The following ROBO1 variants were observed in gnomAD, a reference collection of about 807,000 sequenced individuals.
ROBO1 encodes roundabout guidance receptor 1.
In ROBO1, 149 loss-of-function variants were observed where a neutral mutation model predicts 195.9. The ratio of observed to expected loss-of-function variants is 0.76; its 90% CI spans 0.67 to 0.87. ROBO1 has a LOEUF of 0.87. ROBO1 is among the 40% of genes least tolerant of loss of function. The pLI is 0.00. For synonymous variants in ROBO1, 816 were observed against 733.2 expected (o/e 1.11, Z -1.82); for missense variants, 1,933 against 2,068.3 (o/e 0.93, Z 1.27).
At chr3:78,987,176 G>T (rs1436244879) in intron 3 of ROBO1, among the ~76,000 whole-genome samples, 1 of 148,650 alleles carries the variant, frequency 6.7e-6, no homozygotes, top group African/African-American at 2.5e-5. Context: ...TGATGGAAAG[G>T]AAAGAGTAAC....
intron 1 of ROBO1, among the ~76,000 whole-genome samples, chr3:79,617,406 CA>C (rs1388122794): frequency 3.4e-4 from 51 of 152,030 alleles, no homozygotes; most frequent in African/African-American, 8.7e-4. Flanking sequence ...TTCATATGCC[CA>C]ATACATTGTT....
At position 78,607,102 on chromosome 3, in the gene ROBO1, T is replaced by A; in HGVS notation, c.4436-61A>T. The A allele has an allele frequency of 4.1e-6, 6 of 1,468,966 alleles. No individual in the cohort carries two copies. In the East Asian group the frequency reaches 1.4e-4, roughly 35 times the overall value. The allele number at this position is 1,468,966 out of a possible 1,614,324, so 91.0% of individuals were successfully genotyped here. A position where few individuals can be genotyped will look rare whatever the true frequency, so the allele number is the denominator to read the frequency against. On this transcript the variant is annotated intron_variant, in intron 28 of 30. Transcript: ENST00000464233. The stretch of plus-strand genomic sequence containing the variant: ...CTGCTGCTTATAAAATCATCAAACA[T>A]TTGGATTATCATTGGAGCCACATTC...
At chr3:78,705,438 CAACAG>C (rs2081526855) in intron 8 of ROBO1, among the ~76,000 whole-genome samples, 2 of 152,256 alleles carry the variant, frequency 1.3e-5, no homozygotes, top group East Asian at 3.9e-4. Context: ...ACTCATTTTT[CAACAG>C]ATGAGAACTC....
intron 2 of ROBO1, among the ~76,000 whole-genome samples, chr3:79,559,225 A>G (rs530209720): frequency 5.9e-5 from 9 of 152,330 alleles, no homozygotes; most frequent in Non-Finnish European, 1.3e-4. Context: ...CTCACTGCCT[A>G]TGCTGCACAG....
intron 2 of ROBO1, among the ~76,000 whole-genome samples, chr3:79,130,030 A>G (rs2080298463): frequency 1.3e-5 from 1 of 75,124 alleles, no homozygotes; most frequent in Non-Finnish European, 2.7e-5. Context: ...GTTCTGTTCC[A>G]TTGATCTATA....
chr3:79,517,063 CTCTT>C (rs1189385610), intron 2 of ROBO1, among the ~76,000 whole-genome samples: 1 of 152,152 alleles, frequency 6.6e-6, no homozygotes, highest in Non-Finnish European at 1.5e-5. Flanking sequence ...TACCATAAGA[CTCTT>C]TCTGTTGAAT....
At chr3:79,140,267 CAT>C (rs1366828184) in intron 2 of ROBO1, among the ~76,000 whole-genome samples, 1 of 152,100 alleles carries the variant, frequency 6.6e-6, no homozygotes, top group African/African-American at 2.4e-5. Context: ...GTAAGATTCA[CAT>C]GTTTTGTTAA....
intron 19 of ROBO1, 112 bp from the exon 20 acceptor site, chr3:78,647,767 C>G: frequency 1.1e-6 from 1 of 914,310 alleles, no homozygotes; most frequent in Non-Finnish European, 1.8e-6. Context: ...ATGTAAATAA[C>G]TAAGCCAGTA....
chr3:78,954,858 C>T (rs1249884867), intron 3 of ROBO1, among the ~76,000 whole-genome samples: 1 of 151,982 alleles, frequency 6.6e-6, no homozygotes, highest in Non-Finnish European at 1.5e-5. Context: ...ATAAAATAAA[C>T]CTTGCTTAAC....
rs567967483 is a variant in ROBO1 at position 79,349,875 on chromosome 3, T to C, written c.89-224336A>G. 3.0e-4 allele frequency among the ~76,000 whole-genome samples: 45 copies of C among 152,324 alleles called. No individual in the cohort carries two copies. In the Middle Eastern group the frequency reaches 0.014, roughly 46 times the overall value. ...AAGGAAACAAACAGTTGAATCTATGTGACCTTGGCTTTTACCATAGATTCC... is the reference window on the plus strand; with the variant it reads ...AAGGAAACAAACAGTTGAATCTATGCGACCTTGGCTTTTACCATAGATTCC... On this transcript the variant is annotated intron_variant, in intron 2 of 30. Transcript: ENST00000464233.
chr3:79,685,551 A>G (rs192622382), intron 1 of ROBO1, among the ~76,000 whole-genome samples: 25 of 152,278 alleles, frequency 1.6e-4, no homozygotes, highest in Admixed American at 1.5e-3. Flanking sequence ...AAATAATGAT[A>G]AGCATATGGG....
In ROBO1 at chr3:79,549,960, A is replaced by T. The variant is rs953070757; in HGVS notation, c.88+39864T>A. ...GGCAACATAGTAAGACATCATCTCT[A>T]TAAAAAAATTAAAAATTAGCTGGAC... On this transcript the variant is annotated intron_variant, in intron 2 of 30. Coordinates refer to ENST00000464233, the MANE Select transcript of ROBO1 (RefSeq NM_002941.4). 6.9e-4 allele frequency among the ~76,000 whole-genome samples: 103 copies of T among 149,372 alleles called. 1 individual carries two copies. Among genetic ancestry groups the T allele is most frequent in the Non-Finnish European group, 5.9e-5 (4 of 67,232 alleles).
chr3:78,653,310 A>T (rs973504320), intron 18 of ROBO1, among the ~76,000 whole-genome samples: 1 of 151,856 alleles, frequency 6.6e-6, no homozygotes, highest in Non-Finnish European at 1.5e-5. Flanking sequence ...TCCCTGTGGG[A>T]TATGTAGATA....
At chr3:78,842,222 CAT>C (rs34747412) in intron 4 of ROBO1, among the ~76,000 whole-genome samples, 25,803 of 55,454 alleles carry the variant, frequency 0.47, 7,805 homozygotes, top group South Asian at 0.72. Flanking sequence ...ATATATGAGC[CAT>C]ATATATATTT....
rs1040616139 is a variant in ROBO1, at chr3:79,185,283, T to C, written c.89-59744A>G. 7.2e-5 allele frequency among the ~76,000 whole-genome samples: 11 copies of C among 152,278 alleles called. No homozygotes were observed. In the East Asian group the frequency reaches 1.9e-3, roughly 27 times the overall value. ...TTTATGCTGTGGTAGTAACTGATTTTTTTTATAGAAACATTTCCTTTTATA... is the reference window on the plus strand; with the variant it reads ...TTTATGCTGTGGTAGTAACTGATTTCTTTTATAGAAACATTTCCTTTTATA... On this transcript the variant is annotated intron_variant, in intron 2 of 30. Transcript: ENST00000464233.
At chr3:79,224,387 C>A (rs1187546741) in intron 2 of ROBO1, among the ~76,000 whole-genome samples, 1 of 152,168 alleles carries the variant, frequency 6.6e-6, no homozygotes, top group Non-Finnish European at 1.5e-5. Context: ...TGCCTGGAGG[C>A]ACTCAGCTGC....
intron 1 of ROBO1, among the ~76,000 whole-genome samples, chr3:79,625,525 TATC>T (rs985790180): frequency 7.1e-6 from 1 of 141,268 alleles, no homozygotes; most frequent in Non-Finnish European, 1.5e-5. Flanking sequence ...GACAAAGGAA[TATC>T]AGCACTGATC....
chr3:79,333,961 C>T (rs1003683228), intron 2 of ROBO1, among the ~76,000 whole-genome samples: 4 of 152,072 alleles, frequency 2.6e-5, no homozygotes, highest in Admixed American at 6.6e-5. Flanking sequence ...CTCTCTTTTA[C>T]GTTCTTAAGG....
intron 2 of ROBO1, among the ~76,000 whole-genome samples, chr3:79,454,132 T>C (rs2039537389): frequency 1.9e-5 from 1 of 52,370 alleles, no homozygotes; most frequent in Admixed American, 2.9e-4. Flanking sequence ...ATTTCATTCC[T>C]TTTTTTTTTT....
Sources: gnomAD v4.1 joint callset for allele counts (sites outside exome capture counted in the v4.1 genomes callset) on GRCh38, gnomAD v4.1.1 for gene constraint, MANE v1.5 for transcripts, NCBI Gene and HGNC (gene_info 2026-07-23, HGNC 2026-07-21) for gene names.